The following KIF3B variants were observed in gnomAD, a reference collection of about 807,000 sequenced individuals.
KIF3B encodes the protein kinesin family member 3B.
Under a neutral mutation model 74.3 loss-of-function variants are expected in KIF3B, and 38 were observed. The observed-to-expected ratio is 0.51, with a 90% confidence interval of 0.39 to 0.67. KIF3B has a LOEUF of 0.67. KIF3B is among the 30% of genes least tolerant of loss of function. KIF3B has a pLI of 0.00. For missense variants in KIF3B, 649 were observed against 932.0 expected (o/e 0.70, Z 3.95); for synonymous variants, 326 against 342.5 (o/e 0.95, Z 0.53).
At chr20:32,281,529 T>A (rs543358190) in intron 1 of KIF3B, among the ~76,000 whole-genome samples, 1 of 152,298 alleles carries the variant, frequency 6.6e-6, no homozygotes, top group East Asian at 1.9e-4. Flanking sequence ...GAGGAATAAG[T>A]GCTGGGGTGA....
chr20:32,283,133 C>G (rs563518948), intron 1 of KIF3B, among the ~76,000 whole-genome samples: 2 of 152,116 alleles, frequency 1.3e-5, no homozygotes, highest in African/African-American at 4.8e-5. Flanking sequence ...AACTCCTGGG[C>G]TCAAGTGATC....
At chr20:32,282,655 T>C (rs1046257129) in intron 1 of KIF3B, among the ~76,000 whole-genome samples, 19 of 152,202 alleles carry the variant, frequency 1.2e-4, no homozygotes, top group Admixed American at 3.9e-4. Flanking sequence ...TCTTGTGCTG[T>C]TGGCATTGCA....
Position 32,280,052 on chromosome 20 carries a change from C to T in KIF3B, c.-66+2287C>T, listed in dbSNP as rs75413211. Among the ~76,000 whole-genome samples the T allele has an allele frequency of 1.7e-3, 257 of 152,256 alleles. 3 individuals carry two copies. The East Asian group carries it at 0.044, about 26-fold the overall frequency. On this transcript the variant is annotated intron_variant, in intron 1 of 8. Transcript: ENST00000375712. ...CTGTGAGGAAGAATTATTCATAGTT[C>T]ATTTTGAACCCCTTGGTGGTATAGT...
At chr20:32,292,169 G>T (rs2047694801) in intron 1 of KIF3B, among the ~76,000 whole-genome samples, 1 of 151,020 alleles carries the variant, frequency 6.6e-6, no homozygotes, top group African/African-American at 2.4e-5. Context: ...GAACTCCTAG[G>T]CTCAAGTGAT....
rs1329118536 is a variant in KIF3B at position 32,310,872 on chromosome 20, C to T, written c.1095C>T (p.Leu365=). The change falls in exon 2 of 9, where the codon CTC becomes CTT. Residue 365 remains leucine, a synonymous_variant. Coordinates refer to ENST00000375712, the MANE Select transcript of KIF3B (RefSeq NM_004798.4). This position sits in a 1 kb window ranked among gnomAD's most constrained non-coding sequence, Gnocchi z 6.5. Reference sequence around the variant, plus strand: ...AATTCCAGGAAGAGATTGCTCGGCTCAAGGCCCAGCTGGAAAAACGGTCCA... The same window carrying T: ...AATTCCAGGAAGAGATTGCTCGGCTTAAGGCCCAGCTGGAAAAACGGTCCA... ...LREFQEEIAR[L]KAQLEKRSIG... 3 of 1,613,010 alleles carry T rather than the reference C, an allele frequency of 1.9e-6. No individual in the cohort carries two copies. Among genetic ancestry groups the T allele is most frequent in the Non-Finnish European group, 2.5e-6 (3 of 1,179,904 alleles).
chr20:32,322,325 C>T (rs185236533), intron 5 of KIF3B, among the ~76,000 whole-genome samples: 227 of 151,518 alleles, frequency 1.5e-3, no homozygotes, highest in African/African-American at 4.7e-3. Flanking sequence ...TATAAAAATA[C>T]TGGCTGGGCA....
Position 32,327,540 on chromosome 20 carries a change from T to G in KIF3B, c.1863-16T>G. The G allele has an allele frequency of 6.2e-7, 1 of 1,608,444 alleles. No homozygotes were observed. Among genetic ancestry groups the G allele is most frequent in the African/African-American group, 1.3e-5 (1 of 74,890 alleles). On this transcript the variant is annotated splice_polypyrimidine_tract_variant and intron_variant, in intron 6 of 8. Coordinates refer to ENST00000375712, the MANE Select transcript of KIF3B (RefSeq NM_004798.4). ...AGGACTCCAGCCAGGGCTTTAACAC[T>G]GCAGTTCATTTCCAGGAACCAGCAG...
intron 5 of KIF3B, among the ~76,000 whole-genome samples, chr20:32,320,438 A>G (rs1241237117): frequency 1.3e-5 from 2 of 151,474 alleles, no homozygotes; most frequent in Non-Finnish European, 2.9e-5. Context: ...TATAAATGAA[A>G]TAATGTTGGA....
At chr20:32,316,479 T>C (rs2047828159) in intron 3 of KIF3B, 48 bp from the exon 4 acceptor site, 1 of 1,611,804 alleles carries the variant, frequency 6.2e-7, no homozygotes, top group South Asian at 1.1e-5. Context: ...GAACCCAGCA[T>C]AGACACAGTC....
chr20:32,320,230 A>G (rs1468993404), intron 5 of KIF3B, among the ~76,000 whole-genome samples: 1 of 152,106 alleles, frequency 6.6e-6, no homozygotes, highest in Non-Finnish European at 1.5e-5. Flanking sequence ...TATATTATGA[A>G]TACCACTTTC....
At chr20:32,280,002 TGA>T (rs917216275) in intron 1 of KIF3B, among the ~76,000 whole-genome samples, 1 of 152,224 alleles carries the variant, frequency 6.6e-6, no homozygotes, top group Non-Finnish European at 1.5e-5. Flanking sequence ...TCTGAAATGA[TGA>T]GAGGACTTTT....
intron 7 of KIF3B, among the ~76,000 whole-genome samples, chr20:32,328,673 A>G (rs2047916066): frequency 6.6e-6 from 1 of 151,886 alleles, no homozygotes; most frequent in Non-Finnish European, 1.5e-5. Flanking sequence ...TGTCATGGCC[A>G]GTAAATATTA....
intron 2 of KIF3B, among the ~76,000 whole-genome samples, chr20:32,313,904 C>T (rs2047813899): frequency 6.6e-6 from 1 of 152,144 alleles, no homozygotes; most frequent in Non-Finnish European, 1.5e-5. Context: ...GACAAGGTCT[C>T]ACTATGTTGC....
chr20:32,318,051 C>A (rs2047837132), intron 5 of KIF3B, among the ~76,000 whole-genome samples: 1 of 151,990 alleles, frequency 6.6e-6, no homozygotes, highest in South Asian at 2.1e-4. Flanking sequence ...GCCTGTAATC[C>A]CAGCATTTGG....
chr20:32,305,600 G>A (rs1229837724), intron 1 of KIF3B, among the ~76,000 whole-genome samples: 1 of 101,990 alleles, frequency 9.8e-6, no homozygotes, highest in African/African-American at 4.1e-5. Flanking sequence ...TTTTGTGTGT[G>A]TAGATGGAGT....
At position 32,331,922 on chromosome 20, in the gene KIF3B, C is replaced by A. The variant is rs1403722085; in HGVS notation, c.*603C>A. The A allele has an allele frequency of 6.5e-6, 1 of 152,736 alleles. No individual in the cohort carries two copies. Among genetic ancestry groups the A allele is most frequent in the East Asian group, 1.9e-4 (1 of 5,198 alleles). 9.5% of individuals were successfully genotyped at this position (152,736 alleles called of 1,614,324 possible). ...GTAAGAAGTGGATCTGCCTTTGGGA[C>A]CTGCTCAGTGAGGAAATCTCTTCCA... On this transcript the variant is annotated 3_prime_UTR_variant, in exon 9 of 9. Transcript: ENST00000375712.
At chr20:32,278,429 TAGTA>T (rs2047626581) in intron 1 of KIF3B, among the ~76,000 whole-genome samples, 1 of 152,124 alleles carries the variant, frequency 6.6e-6, no homozygotes. Context: ...GCTTGGCACA[TAGTA>T]AGTGCTCAAC....
intron 8 of KIF3B, among the ~76,000 whole-genome samples, chr20:32,330,662 A>G (rs2047925784): frequency 6.6e-6 from 1 of 152,226 alleles, no homozygotes; most frequent in African/African-American, 2.4e-5. Flanking sequence ...GAAGGCAAAT[A>G]TTATAATCAG....
At chr20:32,304,978 T>TAAA (rs1330269891) in intron 1 of KIF3B, among the ~76,000 whole-genome samples, 3 of 142,932 alleles carry the variant, frequency 2.1e-5, no homozygotes, top group Non-Finnish European at 4.6e-5. Flanking sequence ...CTGTCTCTAC[T>TAAA]AAAAAAAAAA....
Sources: gnomAD v4.1 joint callset for allele counts (sites outside exome capture counted in the v4.1 genomes callset) on GRCh38, gnomAD v4.1.1 for gene constraint, Gnocchi (gnomAD v3.1) non-coding constraint, MANE v1.5 for transcripts, NCBI Gene and HGNC (gene_info 2026-07-23, HGNC 2026-07-21) for gene names.